Variants in PRKG1 observed in about 807,000 individuals in gnomAD.
The protein encoded by PRKG1 is cGMP-dependent protein kinase 1.
PRKG1 carries 35 observed loss-of-function variants against 88.1 expected under a neutral mutation model. That is an observed-to-expected ratio of 0.40 (90% CI 0.30 to 0.53). The LOEUF (loss-of-function observed/expected upper bound fraction) is 0.53. PRKG1 is among the 20% of genes least tolerant of loss of function. The pLI, the probability that PRKG1 is intolerant of heterozygous loss-of-function variation, is 0.59. For synonymous variants in PRKG1, 303 were observed against 292.5 expected (o/e 1.04, Z -0.37); for missense variants, 540 against 839.8 (o/e 0.64, Z 4.41).
intron 2 of PRKG1, among the ~76,000 whole-genome samples, chr10:51,346,904 C>A (rs759016030): frequency 5.3e-5 from 8 of 152,080 alleles, no homozygotes; most frequent in Non-Finnish European, 1.0e-4. Context: ...CTTGTGTAAA[C>A]CGCTTCACTC....
intron 5 of PRKG1, among the ~76,000 whole-genome samples, chr10:51,939,896 T>A (rs1023604295): frequency 6.6e-6 from 1 of 151,980 alleles, no homozygotes; most frequent in Non-Finnish European, 1.5e-5. Context: ...GTTATTCCTA[T>A]AGGTGACTTA....
intron 5 of PRKG1, among the ~76,000 whole-genome samples, chr10:51,915,494 G>T (rs997149223): frequency 6.6e-6 from 1 of 151,982 alleles, no homozygotes; most frequent in Admixed American, 6.6e-5. Flanking sequence ...CTTCCCTTTT[G>T]GGGAGCAAAT....
intron 3 of PRKG1, among the ~76,000 whole-genome samples, chr10:51,552,844 C>G (rs748100210): frequency 6.6e-6 from 1 of 151,558 alleles, no homozygotes; most frequent in Non-Finnish European, 1.5e-5. Context: ...TGGCAGAAAT[C>G]TAAGTCTTGT....
chr10:52,293,720 A>T, intron 17 of PRKG1, 82 bp from the exon 18 acceptor site: 1 of 1,107,442 alleles, frequency 9.0e-7, no homozygotes, highest in Non-Finnish European at 1.4e-6. Flanking sequence ...AATAGGGAAT[A>T]AATACAGAAT....
At chr10:51,165,401 C>G (rs1270497161) in intron 2 of PRKG1, among the ~76,000 whole-genome samples, 2 of 151,964 alleles carry the variant, frequency 1.3e-5, no homozygotes, top group Non-Finnish European at 2.9e-5. Flanking sequence ...GAAGGAAGCA[C>G]TAAACATGGA....
rs1439550290 is a variant in PRKG1, at chr10:52,295,345, T to G, written c.*1445T>G. The stretch of plus-strand genomic sequence containing the variant: ...GGAACCTGATTTTTTTAAAATAAAT[T>G]TTAAATAAAATAGAATTACTACAAT... On this transcript the variant is annotated 3_prime_UTR_variant, in exon 18 of 18. Coordinates refer to ENST00000373980, the MANE Select transcript of PRKG1 (RefSeq NM_006258.4). 2 of 151,978 alleles carry G rather than the reference T, an allele frequency of 1.3e-5. No homozygotes were observed. Among genetic ancestry groups the G allele is most frequent in the Non-Finnish European group, 2.9e-5 (2 of 67,968 alleles). 9.4% of individuals were successfully genotyped at this position (151,978 alleles called of 1,614,324 possible).
At chr10:51,085,677 C>CT (rs889294059) in intron 1 of PRKG1, among the ~76,000 whole-genome samples, 5 of 151,580 alleles carry the variant, frequency 3.3e-5, no homozygotes, top group South Asian at 4.2e-4. Context: ...CTTAATGTAA[C>CT]TTTTTTTTCA....
At chr10:51,621,009 G>GTATATATATATATATA (rs55657310) in intron 3 of PRKG1, among the ~76,000 whole-genome samples, 1,543 of 121,758 alleles carry the variant, frequency 0.013, 14 homozygotes, top group Non-Finnish European at 0.018. Flanking sequence ...GTATATGTGT[G>GTATATATATATATATA]TATATATATA....
rs555397664 is a variant in PRKG1 at position 51,648,282 on chromosome 10, C to T, written c.593-156303C>T. ...TGAGATGCACATATCTCTATCTCCACCGCTATCCAAAGTAAACTTCAAAGA... is the reference window on the plus strand; with the variant it reads ...TGAGATGCACATATCTCTATCTCCATCGCTATCCAAAGTAAACTTCAAAGA... On this transcript the variant is annotated intron_variant, in intron 3 of 17. Transcript: ENST00000373980. Among the ~76,000 whole-genome samples, 202 of 152,164 alleles carry T rather than the reference C, an allele frequency of 1.3e-3. 1 individual carries two copies. The highest frequency in any genetic ancestry group is 6.8e-3 in the Middle Eastern group (2 of 292).
intron 3 of PRKG1, among the ~76,000 whole-genome samples, chr10:51,505,159 T>A (rs1841157195): frequency 6.6e-6 from 1 of 152,110 alleles, no homozygotes; most frequent in Non-Finnish European, 1.5e-5. Context: ...AATACCTAAT[T>A]TATTGAGAGT....
At chr10:51,469,562 G>A (rs73336223) in intron 3 of PRKG1, among the ~76,000 whole-genome samples, 70 of 151,798 alleles carry the variant, frequency 4.6e-4, no homozygotes, top group African/African-American at 1.6e-3. Context: ...AATGATGTTC[G>A]TCTGCACTAA....
intron 3 of PRKG1, among the ~76,000 whole-genome samples, chr10:51,684,954 T>G (rs1301452367): frequency 6.6e-6 from 1 of 152,210 alleles, no homozygotes; most frequent in African/African-American, 2.4e-5. Context: ...GTTTTGGTTT[T>G]CATTGCCTCT....
intron 1 of PRKG1, among the ~76,000 whole-genome samples, chr10:51,124,752 C>T (rs551635210): frequency 3.3e-4 from 51 of 152,246 alleles, no homozygotes; most frequent in Non-Finnish European, 6.0e-4. Context: ...TACAAAAAAA[C>T]GGGGAAACTC....
intron 6 of PRKG1, among the ~76,000 whole-genome samples, chr10:52,055,648 A>C (rs1846092996): frequency 6.6e-6 from 1 of 152,172 alleles, no homozygotes; most frequent in Non-Finnish European, 1.5e-5. Flanking sequence ...CTATGATTTA[A>C]ACTTATGTTT....
chr10:52,147,505 G>A (rs1405559220), intron 8 of PRKG1, among the ~76,000 whole-genome samples: 1 of 152,202 alleles, frequency 6.6e-6, no homozygotes, highest in Non-Finnish European at 1.5e-5. Context: ...TTACATTGCT[G>A]TATTGGAATT....
chr10:51,361,407 C>A (rs1412046599), intron 2 of PRKG1, among the ~76,000 whole-genome samples: 1 of 151,906 alleles, frequency 6.6e-6, no homozygotes, highest in African/African-American at 2.4e-5. Context: ...AATTGACACC[C>A]ACATAAGAGA....
intron 2 of PRKG1, among the ~76,000 whole-genome samples, chr10:51,441,634 G>C (rs1839109550): frequency 6.6e-6 from 1 of 151,880 alleles, no homozygotes; most frequent in Non-Finnish European, 1.5e-5. Flanking sequence ...GGAGACCTGA[G>C]TTTTAGTTCT....
At chr10:52,077,117 G>A (rs1251877946) in intron 7 of PRKG1, among the ~76,000 whole-genome samples, 1 of 151,862 alleles carries the variant, frequency 6.6e-6, no homozygotes, top group African/African-American at 2.4e-5. Context: ...AAATGTTATA[G>A]CAGCTTTATA....
intron 2 of PRKG1, among the ~76,000 whole-genome samples, chr10:51,179,420 T>C (rs895918469): frequency 6.6e-6 from 1 of 152,244 alleles, no homozygotes; most frequent in Non-Finnish European, 1.5e-5. Context: ...TGATAGGTCA[T>C]AGCTAATTAT....
Sources: gnomAD v4.1 joint callset for allele counts (sites outside exome capture counted in the v4.1 genomes callset) on GRCh38, gnomAD v4.1.1 for gene constraint, MANE v1.5 for transcripts, NCBI Gene and HGNC (gene_info 2026-07-23, HGNC 2026-07-21) for gene names.